Variants in STPG2 observed in about 807,000 individuals in gnomAD.
STPG2 encodes sperm-tail PG-rich repeat-containing protein 2.
Under a neutral mutation model 54.2 loss-of-function variants are expected in STPG2, and 56 were observed. The observed-to-expected ratio is 1.03, with a 90% CI of 0.83 to 1.29. The LOEUF (loss-of-function observed/expected upper bound fraction) is 1.29. Ranked by LOEUF, STPG2 falls within the 50% of genes most tolerant of loss-of-function variation. The pLI is 0.00. For synonymous variants in STPG2, 200 were observed against 181.8 expected, an observed-to-expected ratio of 1.10 and a Z score of -0.81; for missense variants, 596 against 544.9, an observed-to-expected ratio of 1.09 and a Z score of -0.93.
intron 4 of STPG2, among the ~76,000 whole-genome samples, chr4:97,454,980 C>T (rs553137225): frequency 3.2e-4 from 48 of 151,986 alleles, no homozygotes; most frequent in Non-Finnish European, 4.4e-4. Flanking sequence ...CCTACTACAG[C>T]ACTTCAAGTC....
chr4:97,877,108 A>AATCTATTAT (rs1362860696), intron 8 of STPG2, among the ~76,000 whole-genome samples: 1 of 152,196 alleles, frequency 6.6e-6, no homozygotes, highest in East Asian at 1.9e-4. Context: ...TAACATTTAA[A>AATCTATTAT]ATCTATTATT....
chr4:97,567,591 A>T (rs1194999011), intron 10 of STPG2, among the ~76,000 whole-genome samples: 1 of 151,904 alleles, frequency 6.6e-6, no homozygotes, highest in Non-Finnish European at 1.5e-5. Flanking sequence ...AAATACTGGG[A>T]TGTCCAAATA....
intron 8 of STPG2, among the ~76,000 whole-genome samples, chr4:97,925,314 A>T (rs575344013): frequency 6.6e-6 from 1 of 152,216 alleles, no homozygotes; most frequent in Non-Finnish European, 1.5e-5. Context: ...GAAGATGGCA[A>T]CTATCAGCAC....
intron 7 of STPG2, among the ~76,000 whole-genome samples, chr4:97,969,893 G>C (rs907594689): frequency 1.3e-5 from 2 of 152,198 alleles, no homozygotes; most frequent in African/African-American, 4.8e-5. Flanking sequence ...CAGATGACAT[G>C]CTTGTATATT....
In STPG2 at chr4:98,109,413, G is replaced by C. The variant is rs867797337; in HGVS notation, c.388-108C>G. ...TAAATCTAAAGCAAGGATAGCCTCA[G>C]TAAGGGGGTTCCACTGGTAAATGCT... On this transcript the variant is annotated intron_variant, in intron 3 of 10. Coordinates refer to ENST00000295268, the MANE Select transcript of STPG2 (RefSeq NM_174952.3). 18 of 756,624 alleles carry C rather than the reference G, an allele frequency of 2.4e-5. No individual in the cohort carries two copies. In the African/African-American group the frequency reaches 2.5e-4, roughly 10 times the overall value. The allele number at this position is 756,624 out of a possible 1,614,324, so 46.9% of individuals were successfully genotyped here.
At chr4:97,783,943 A>T (rs1034174890) in intron 9 of STPG2, among the ~76,000 whole-genome samples, 13 of 152,052 alleles carry the variant, frequency 8.5e-5, no homozygotes, top group Non-Finnish European at 1.6e-4. Context: ...GGGGAGGGAA[A>T]GCATTAGGAG....
At chr4:98,011,131 C>T (rs896083072) in intron 5 of STPG2, among the ~76,000 whole-genome samples, 1 of 152,076 alleles carries the variant, frequency 6.6e-6, no homozygotes, top group Non-Finnish European at 1.5e-5. Flanking sequence ...CCCAGACAGG[C>T]CCCAGTGTGT....
chr4:97,449,571 G>C lies in STPG2; in HGVS notation c.463-261738C>G, dbSNP rs139685340. Reference sequence around the variant, plus strand: ...GAAATTAATGGAAGTCACTCAATCAGTATTCATTTGAGTGCCTCCTATGTG... The same window carrying C: ...GAAATTAATGGAAGTCACTCAATCACTATTCATTTGAGTGCCTCCTATGTG... On this transcript the variant is annotated intron_variant, in intron 4 of 4. Transcript: ENST00000522676. Among the ~76,000 whole-genome samples, 13 of 152,272 alleles carry C rather than the reference G, an allele frequency of 8.5e-5. No individual in the cohort carries two copies. The East Asian group carries it at 1.9e-3, about 23-fold the overall frequency.
At chr4:98,111,082 G>T (rs1739334210) in intron 3 of STPG2, among the ~76,000 whole-genome samples, 1 of 151,708 alleles carries the variant, frequency 6.6e-6, no homozygotes, top group Admixed American at 6.6e-5. Flanking sequence ...ACCAGAAAAG[G>T]ACCTCATTAC....
chr4:97,907,688 G>A (rs1432804517), intron 8 of STPG2, among the ~76,000 whole-genome samples: 1 of 152,156 alleles, frequency 6.6e-6, no homozygotes, highest in African/African-American at 2.4e-5. Flanking sequence ...CAATGGAACA[G>A]AACAGAGCCC....
chr4:98,118,056 C>T (rs557408341), intron 3 of STPG2, among the ~76,000 whole-genome samples: 1 of 152,210 alleles, frequency 6.6e-6, no homozygotes, highest in Non-Finnish European at 1.5e-5. Flanking sequence ...ATCAGAATTC[C>T]TACCCTGAGG....
chr4:97,593,022 C>G (rs534964415), intron 10 of STPG2, among the ~76,000 whole-genome samples: 6 of 152,262 alleles, frequency 3.9e-5, no homozygotes, highest in African/African-American at 1.4e-4. Flanking sequence ...CAGAACAGAA[C>G]AGTCTTGCCT....
Position 97,871,468 on chromosome 4 carries a change from GAAAT to G in STPG2, c.1045-30540_1045-30537del, listed in dbSNP as rs570634406. ...GTAAGGATTGACAGTTGAAAACAGG[GAAAT>G]AATTATTGAATCAGAAGAAATGAAA... On this transcript the variant is annotated intron_variant, in intron 8 of 10. Transcript: ENST00000295268. Among the ~76,000 whole-genome samples, 4 of 150,844 alleles carry G rather than the reference GAAAT, an allele frequency of 2.7e-5. No homozygotes were observed. In the South Asian group the frequency reaches 8.3e-4, roughly 31 times the overall value.
At chr4:98,048,164 A>C (rs1737199226) in intron 5 of STPG2, among the ~76,000 whole-genome samples, 1 of 152,206 alleles carries the variant, frequency 6.6e-6, no homozygotes, top group African/African-American at 2.4e-5. Context: ...CAGAAGGCAT[A>C]ACTCTCCAGC....
chr4:97,571,203 A>G (rs1732590689), intron 10 of STPG2, among the ~76,000 whole-genome samples: 1 of 152,152 alleles, frequency 6.6e-6, no homozygotes, highest in Admixed American at 6.6e-5. Flanking sequence ...AGGTAAAATA[A>G]TTAGTCTTGT....
At chr4:97,487,156 T>C (rs906306692) in intron 4 of STPG2, among the ~76,000 whole-genome samples, 3 of 150,310 alleles carry the variant, frequency 2.0e-5, no homozygotes, top group African/African-American at 7.3e-5. Context: ...TATACTTAAC[T>C]CATATAACCA....
chr4:97,883,729 T>G (rs1022691414), intron 8 of STPG2, among the ~76,000 whole-genome samples: 1 of 152,026 alleles, frequency 6.6e-6, no homozygotes, highest in Admixed American at 6.6e-5. Flanking sequence ...AGAAAAAAAG[T>G]TTTAGACAGA....
intron 9 of STPG2, among the ~76,000 whole-genome samples, chr4:97,778,329 G>A (rs1357469772): frequency 6.6e-5 from 10 of 152,128 alleles, no homozygotes; most frequent in Non-Finnish European, 1.2e-4. Context: ...ACGGAGCCTC[G>A]CTCATTCCTA....
At chr4:98,089,560 T>G (rs1007507796) in intron 5 of STPG2, among the ~76,000 whole-genome samples, 1 of 152,076 alleles carries the variant, frequency 6.6e-6, no homozygotes, top group African/African-American at 2.4e-5. Context: ...TTCCTTTGGG[T>G]AGATACCCAG....
Sources: gnomAD v4.1 joint callset for allele counts (sites outside exome capture counted in the v4.1 genomes callset) on GRCh38, gnomAD v4.1.1 for gene constraint, MANE v1.5 for transcripts, NCBI Gene and HGNC (gene_info 2026-07-23, HGNC 2026-07-21) for gene names.